The following GABRB3 variants were observed in gnomAD, a reference collection of about 807,000 sequenced individuals.
The protein encoded by GABRB3 is gamma-aminobutyric acid receptor subunit beta-3.
A neutral mutation model predicts 52.1 loss-of-function variants in GABRB3; 14 were observed. The ratio of observed to expected loss-of-function variants is 0.27; its 90% CI spans 0.18 to 0.42. GABRB3 has a LOEUF of 0.42. GABRB3 is among the 10% of genes least tolerant of loss of function. GABRB3 has a pLI of 1.00. For synonymous variants in GABRB3, 260 were observed against 232.3 expected (o/e 1.12, Z -1.08); for missense variants, 307 against 609.1 (o/e 0.50, Z 5.22).
At chr15:26,593,466 C>T (rs539223081) in intron 4 of GABRB3, among the ~76,000 whole-genome samples, 1 of 152,218 alleles carries the variant, frequency 6.6e-6, no homozygotes, top group South Asian at 2.1e-4. Flanking sequence ...ACAATAACAT[C>T]GATTACCCTA....
At chr15:26,624,067 G>C in intron 3 of GABRB3, 1 of 350,000 alleles carries the variant, frequency 2.9e-6, no homozygotes, top group Non-Finnish European at 4.0e-6. Context: ...GGGATGGTGT[G>C]CAGAGGCCTC....
intron 3 of GABRB3, among the ~76,000 whole-genome samples, chr15:26,691,142 G>GT: frequency 6.6e-6 from 1 of 151,986 alleles, no homozygotes; most frequent in Middle Eastern, 3.4e-3. Flanking sequence ...GAGACACTGA[G>GT]TCCCAGTCTT....
chr15:26,560,845 G>A (rs1316677364), intron 8 of GABRB3, 87 bp downstream of exon 8: 29 of 1,578,688 alleles, frequency 1.8e-5, no homozygotes, highest in Middle Eastern at 2.3e-4. Flanking sequence ...ACACTACTGG[G>A]GAAAAAACAA....
chr15:26,566,465 C>T (rs913975894), intron 7 of GABRB3, among the ~76,000 whole-genome samples: 7 of 152,182 alleles, frequency 4.6e-5, no homozygotes, highest in Non-Finnish European at 7.3e-5. Context: ...GTGGCTCACG[C>T]ATATACTCCT....
At chr15:26,733,006 A>G (rs1455534487) in intron 3 of GABRB3, among the ~76,000 whole-genome samples, 1 of 52,946 alleles carries the variant, frequency 1.9e-5, no homozygotes, top group Non-Finnish European at 6.6e-5. Context: ...TCTAATAGAA[A>G]AAAAAAAAAG....
chr15:26,696,235 TA>T (rs1479629512), intron 3 of GABRB3, among the ~76,000 whole-genome samples: 7 of 152,176 alleles, frequency 4.6e-5, no homozygotes, highest in Non-Finnish European at 8.8e-5. Context: ...TCACATACTT[TA>T]TTTTTTTTTA....
At chr15:26,688,560 A>G (rs1205349671) in intron 3 of GABRB3, among the ~76,000 whole-genome samples, 1 of 152,246 alleles carries the variant, frequency 6.6e-6, no homozygotes, top group Non-Finnish European at 1.5e-5. Context: ...ATCAATAAAA[A>G]TGAGAGCCAT....
Position 26,621,230 on chromosome 15 carries a change from C to T in GABRB3, c.461+84G>A. Reference sequence around the variant, plus strand: ...CCTAATTTATCTGAGGTCATTGCCTCACTTACAATAATCATCTCAAGTGAG... The same window carrying T: ...CCTAATTTATCTGAGGTCATTGCCTTACTTACAATAATCATCTCAAGTGAG... On this transcript the variant is annotated intron_variant, in intron 4 of 8. Coordinates refer to ENST00000311550, the MANE Select transcript of GABRB3 (RefSeq NM_000814.6). This position sits in a 1 kb window ranked among gnomAD's most constrained non-coding sequence, Gnocchi z 4.1. The T allele has an allele frequency of 2.8e-6, 3 of 1,063,662 alleles. No individual in the cohort carries two copies. The highest frequency in any genetic ancestry group is 4.4e-6 in the Non-Finnish European group (3 of 679,638). 65.9% of individuals were successfully genotyped at this position (1,063,662 alleles called of 1,614,324 possible).
intron 3 of GABRB3, among the ~76,000 whole-genome samples, chr15:26,747,568 G>T (rs1431021151): frequency 8.5e-5 from 13 of 152,282 alleles, no homozygotes; most frequent in Admixed American, 7.2e-4. Flanking sequence ...TGTTGATCCT[G>T]TATCCAGTAA....
chr15:26,753,511 TG>T (rs1434365992), intron 3 of GABRB3, among the ~76,000 whole-genome samples: 1 of 152,180 alleles, frequency 6.6e-6, no homozygotes, highest in Non-Finnish European at 1.5e-5. Flanking sequence ...TGGGACTGAG[TG>T]ACAAGTGAAG....
chr15:26,550,041 G>A (rs1036288115), intron 8 of GABRB3: 2 of 152,130 alleles, frequency 1.3e-5, no homozygotes, highest in African/African-American at 4.8e-5. Flanking sequence ...ATGCAAAAGT[G>A]ACTTTGTGCA....
At chr15:26,550,482 C>T (rs1428589716) in intron 8 of GABRB3, among the ~76,000 whole-genome samples, 3 of 152,220 alleles carry the variant, frequency 2.0e-5, no homozygotes, top group African/African-American at 7.2e-5. Context: ...ATCAAAAAGA[C>T]AAAAATAACA....
In GABRB3 at chr15:26,674,066, C is replaced by CT. The variant is rs1421282948; in HGVS notation, c.241-52533dup. ...AATCAATCACATATTTAACCCCCCCCTTTTTTTTTTTAGTATTTCCTGAGA... is the reference window on the plus strand; with the variant it reads ...AATCAATCACATATTTAACCCCCCCCTTTTTTTTTTTTAGTATTTCCTGAGA... On this transcript the variant is annotated intron_variant, in intron 3 of 8. Coordinates refer to ENST00000311550, the MANE Select transcript of GABRB3 (RefSeq NM_000814.6). Among the ~76,000 whole-genome samples the CT allele has an allele frequency of 2.2e-3, 315 of 145,634 alleles. 2 individuals are homozygous for CT. In the East Asian group the frequency reaches 0.044, roughly 20 times the overall value.
At chr15:26,633,938 T>A (rs927204901) in intron 3 of GABRB3, among the ~76,000 whole-genome samples, 2 of 152,340 alleles carry the variant, frequency 1.3e-5, no homozygotes. Flanking sequence ...GGACTCTTAA[T>A]TCGTTTCAAA....
intron 3 of GABRB3, among the ~76,000 whole-genome samples, chr15:26,755,336 G>T (rs921537877): frequency 6.6e-6 from 1 of 152,016 alleles, no homozygotes; most frequent in Non-Finnish European, 1.5e-5. Flanking sequence ...AACTTCTTAG[G>T]CCTGACTTCT....
chr15:26,656,878 G>A (rs542699764), intron 3 of GABRB3, among the ~76,000 whole-genome samples: 1 of 152,348 alleles, frequency 6.6e-6, no homozygotes, highest in South Asian at 2.1e-4. Flanking sequence ...TGAGTTTTGA[G>A]ATCCTTGTTG....
intron 4 of GABRB3, among the ~76,000 whole-genome samples, chr15:26,598,935 C>G (rs1261583702): frequency 6.6e-6 from 1 of 152,176 alleles, no homozygotes; most frequent in Non-Finnish European, 1.5e-5. Flanking sequence ...TAACCTAGCT[C>G]GAGTTTCTAG....
chr15:26,584,882 A>G (rs1890922921), intron 4 of GABRB3, among the ~76,000 whole-genome samples: 1 of 152,158 alleles, frequency 6.6e-6, no homozygotes, highest in Non-Finnish European at 1.5e-5. Context: ...AGTGGGTGAG[A>G]GATACATGAC....
At position 26,649,861 on chromosome 15, in the gene GABRB3, T is replaced by C. The variant is rs568731710; in HGVS notation, c.241-28327A>G. Among the ~76,000 whole-genome samples, 73 of 152,310 alleles carry C rather than the reference T, an allele frequency of 4.8e-4. 1 individual carries two copies. The highest frequency in any genetic ancestry group is 1.7e-3 in the African/African-American group (71 of 41,558). On this transcript the variant is annotated intron_variant, in intron 3 of 8. Transcript: ENST00000311550. ...GGGGTGGGATCATGAGTTTTTAATT[T>C]CAGTCTTTAATAATGTTTTGTAATT...
Sources: allele counts gnomAD v4.1 joint callset (sites outside exome capture counted in the v4.1 genomes callset), GRCh38; gene constraint gnomAD v4.1.1; non-coding constraint Gnocchi (gnomAD v3.1); transcripts MANE v1.5; gene names NCBI Gene and HGNC (gene_info 2026-07-23, HGNC 2026-07-21).